Variants in SRGN observed in about 807,000 individuals in gnomAD.
SRGN encodes hematopoetic proteoglycan core peptide.
In SRGN, 2 loss-of-function variants were observed where a neutral mutation model predicts 9.5. The ratio of observed to expected loss-of-function variants is 0.21; its 90% CI spans 0.09 to 0.66. The LOEUF (loss-of-function observed/expected upper bound fraction) is 0.66, where lower values mean the gene tolerates loss of function less well. SRGN is among the 30% of genes least tolerant of loss of function. SRGN has a pLI of 0.83. For synonymous variants in SRGN, 59 were observed against 72.3 expected (o/e 0.82, Z 0.93); for missense variants, 170 against 192.4 (o/e 0.88, Z 0.69).
Position 69,088,154 on chromosome 10 carries a change from G to A in SRGN, c.-4G>A. ...GCAGCTGGGAGAGCTAGACTAAGTTGGTCATGATGCAGAAGCTACTCAAAT... is the reference window on the plus strand; with the variant it reads ...GCAGCTGGGAGAGCTAGACTAAGTTAGTCATGATGCAGAAGCTACTCAAAT... On this transcript the variant is annotated 5_prime_UTR_variant, in exon 1 of 3. Transcript: ENST00000242465. 1 of 1,613,840 alleles carries A rather than the reference G, an allele frequency of 6.2e-7. No individual in the cohort carries two copies. The highest frequency in any genetic ancestry group is 8.5e-7 in the Non-Finnish European group (1 of 1,179,780).
chr10:69,089,074 G>A (rs781312934), intron 1 of SRGN, among the ~76,000 whole-genome samples: 1 of 152,174 alleles, frequency 6.6e-6, no homozygotes, highest in Non-Finnish European at 1.5e-5. Context: ...ACTAGGTTCC[G>A]CCAAATGGTA....
intron 2 of SRGN, among the ~76,000 whole-genome samples, chr10:69,100,986 T>TTTC (rs1491535711): frequency 7.5e-6 from 1 of 133,752 alleles, no homozygotes; most frequent in Non-Finnish European, 1.5e-5. Context: ...TCTTTCTTTC[T>TTTC]TTTTTTTTTT....
At chr10:69,089,694 G>A (rs901214463) in intron 1 of SRGN, among the ~76,000 whole-genome samples, 3 of 152,086 alleles carry the variant, frequency 2.0e-5, no homozygotes, top group Non-Finnish European at 2.9e-5. Flanking sequence ...AGGAGTTTGA[G>A]ACCAGCCTGG....
chr10:69,096,945 G>A, intron 1 of SRGN, 139 bp from the exon 2 acceptor site: 1 of 711,212 alleles, frequency 1.4e-6, no homozygotes, highest in Non-Finnish European at 2.1e-6. Context: ...AGTGAGCTAT[G>A]ATCACAGTAC....
rs564913409 is a variant in SRGN at position 69,090,482 on chromosome 10, G to A, written c.79+2246G>A. Reference sequence around the variant, plus strand: ...AGTCCAAGATCAAGGTGCTGGCAGGGTCGATCGCATTCTGAGGCCTCTCTC... The same window carrying A: ...AGTCCAAGATCAAGGTGCTGGCAGGATCGATCGCATTCTGAGGCCTCTCTC... On this transcript the variant is annotated intron_variant, in intron 1 of 2. Coordinates refer to ENST00000242465, the MANE Select transcript of SRGN (RefSeq NM_002727.4). Among the ~76,000 whole-genome samples, 6 of 152,266 alleles carry A rather than the reference G, an allele frequency of 3.9e-5. No individual in the cohort carries two copies. In the East Asian group the frequency reaches 9.6e-4, roughly 24 times the overall value.
chr10:69,097,797 C>T (rs1369575086), intron 2 of SRGN, among the ~76,000 whole-genome samples: 2 of 152,168 alleles, frequency 1.3e-5, no homozygotes, highest in Non-Finnish European at 2.9e-5. Context: ...CTCCTGACCT[C>T]AGGTGATCCA....
chr10:69,088,651 T>C (rs1410455846), intron 1 of SRGN, among the ~76,000 whole-genome samples: 1 of 152,150 alleles, frequency 6.6e-6, no homozygotes, highest in East Asian at 1.9e-4. Flanking sequence ...GTGTCATTGT[T>C]ATTTTAACAC....
chr10:69,104,157 T>C lies in SRGN; in HGVS notation c.*37T>C, dbSNP rs971302519. 2 of 1,597,504 alleles carry C rather than the reference T, an allele frequency of 1.3e-6. No individual in the cohort carries two copies. The highest frequency in any genetic ancestry group is 1.3e-5 in the African/African-American group (1 of 74,428). ...CCCACCTTGACACCAGGCAATGTAG[T>C]TAGCATATTTTATGTACCATGGTTA... On this transcript the variant is annotated 3_prime_UTR_variant, in exon 3 of 3. Transcript: ENST00000242465.
At chr10:69,097,895 A>G (rs1840211392) in intron 2 of SRGN, among the ~76,000 whole-genome samples, 1 of 152,148 alleles carries the variant, frequency 6.6e-6, no homozygotes, top group Admixed American at 6.6e-5. Flanking sequence ...CTGTAATTTC[A>G]CAACCTCTTG....
At chr10:69,097,703 A>T (rs1488656083) in intron 2 of SRGN, among the ~76,000 whole-genome samples, 1 of 152,090 alleles carries the variant, frequency 6.6e-6, no homozygotes, top group East Asian at 1.9e-4. Flanking sequence ...CTGGGATTAC[A>T]GGCGTGAGCC....
At chr10:69,092,956 T>C (rs1367756478) in intron 1 of SRGN, among the ~76,000 whole-genome samples, 1 of 152,200 alleles carries the variant, frequency 6.6e-6, no homozygotes, top group Non-Finnish European at 1.5e-5. Context: ...GAATTTTGTA[T>C]TCTAGAAATA....
chr10:69,092,478 G>C (rs1840084248), intron 1 of SRGN, among the ~76,000 whole-genome samples: 1 of 152,096 alleles, frequency 6.6e-6, no homozygotes, highest in African/African-American at 2.4e-5. Flanking sequence ...ATACCATACA[G>C]TTCACCCATT....
chr10:69,100,970 TTTC>T lies in SRGN; in HGVS notation c.228-2898_228-2896del, dbSNP rs1215167739. Among the ~76,000 whole-genome samples, 88 of 147,382 alleles carry T rather than the reference TTTC, an allele frequency of 6.0e-4. 2 individuals are homozygous for T. In the East Asian group the frequency reaches 8.4e-3, roughly 14 times the overall value. On this transcript the variant is annotated intron_variant, in intron 2 of 2. Coordinates refer to ENST00000242465, the MANE Select transcript of SRGN (RefSeq NM_002727.4). ...TGTAGCCCAAGGAGGGAAGTATTTT[TTTC>T]TTTCTTTCTTTCTTTTTTTTTTTTT...
chr10:69,090,927 A>C (rs922784270), intron 1 of SRGN, among the ~76,000 whole-genome samples: 1 of 152,166 alleles, frequency 6.6e-6, no homozygotes, highest in African/African-American at 2.4e-5. Flanking sequence ...GACACCCATA[A>C]AGAAAAAAAA....
intron 1 of SRGN, among the ~76,000 whole-genome samples, chr10:69,092,058 C>T (rs1244612368): frequency 6.6e-6 from 1 of 151,174 alleles, no homozygotes; most frequent in Non-Finnish European, 1.5e-5. Flanking sequence ...TTTGGTAAAG[C>T]AGGACTCAGG....
intron 2 of SRGN, among the ~76,000 whole-genome samples, chr10:69,097,442 T>TTTTTTTTC (rs1241060791): frequency 6.8e-6 from 1 of 147,126 alleles, no homozygotes; most frequent in Non-Finnish European, 1.5e-5. Flanking sequence ...TTTTTTTTTT[T>TTTTTTTTC]TTGAGACGGA....
intron 2 of SRGN, among the ~76,000 whole-genome samples, chr10:69,101,151 G>T (rs1840282512): frequency 6.6e-6 from 1 of 151,888 alleles, no homozygotes; most frequent in Non-Finnish European, 1.5e-5. Flanking sequence ...TTTTGGTAGA[G>T]ACGGGGTTTT....
At chr10:69,100,108 A>G (rs1840258345) in intron 2 of SRGN, among the ~76,000 whole-genome samples, 1 of 152,128 alleles carries the variant, frequency 6.6e-6, no homozygotes, top group Non-Finnish European at 1.5e-5. Flanking sequence ...AATCCCAGCT[A>G]TTGAGAGGCC....
At chr10:69,091,443 T>C (rs1840049457) in intron 1 of SRGN, among the ~76,000 whole-genome samples, 2 of 152,204 alleles carry the variant, frequency 1.3e-5, no homozygotes, top group Admixed American at 1.3e-4. Flanking sequence ...CTTATCCATC[T>C]TGTGGAATTG....
Sources: gnomAD v4.1 joint callset for allele counts (sites outside exome capture counted in the v4.1 genomes callset) on GRCh38, gnomAD v4.1.1 for gene constraint, MANE v1.5 for transcripts, NCBI Gene and HGNC (gene_info 2026-07-23, HGNC 2026-07-21) for gene names.